ZBTB16: variants seen among roughly 807,000 people sequenced by gnomAD.
The protein encoded by ZBTB16 is zinc finger and BTB domain containing 16.
Under a neutral mutation model 56.8 loss-of-function variants are expected in ZBTB16, and 8 were observed. The observed-to-expected ratio is 0.14, with a 90% CI of 0.08 to 0.25. The LOEUF is 0.25. Among genes scored for constraint, ZBTB16 ranks in the 10% least tolerant of loss-of-function variants. The pLI, the probability that ZBTB16 is intolerant of heterozygous loss-of-function variation, is 1.00. For missense variants in ZBTB16, 625 were observed against 903.0 expected (o/e 0.69, Z 3.95); for synonymous variants, 363 against 368.5 (o/e 0.98, Z 0.17).
At chr11:114,198,376 A>G (rs915659374) in intron 4 of ZBTB16, among the ~76,000 whole-genome samples, 1 of 141,012 alleles carries the variant, frequency 7.1e-6, no homozygotes, top group Non-Finnish European at 1.5e-5. Context: ...GGCATGTTTG[A>G]TGCCTAATAT....
At chr11:114,115,368 C>G (rs528354894) in intron 2 of ZBTB16, among the ~76,000 whole-genome samples, 1 of 146,858 alleles carries the variant, frequency 6.8e-6, no homozygotes, top group East Asian at 2.0e-4. Flanking sequence ...TTTTTAAACT[C>G]CCTTTCCTTG....
intron 4 of ZBTB16, among the ~76,000 whole-genome samples, chr11:114,204,943 C>T (rs1263306813): frequency 6.6e-6 from 1 of 152,136 alleles, no homozygotes; most frequent in African/African-American, 2.4e-5. Context: ...AATGGCACTG[C>T]CCTGAGGTCG....
chr11:114,221,104 T>C (rs1944221415), intron 4 of ZBTB16, among the ~76,000 whole-genome samples: 1 of 152,214 alleles, frequency 6.6e-6, no homozygotes, highest in African/African-American at 2.4e-5. Context: ...ACAGTCTCCA[T>C]TCAAAGGCTG....
At chr11:114,106,122 G>A (rs1381798917) in intron 2 of ZBTB16, among the ~76,000 whole-genome samples, 2 of 152,122 alleles carry the variant, frequency 1.3e-5, no homozygotes, top group Non-Finnish European at 2.9e-5. Context: ...TTTCATAGCG[G>A]AGGGTTGTTA....
Position 114,251,806 on chromosome 11 carries a change from G to C in ZBTB16, c.*1251G>C, listed in dbSNP as rs117407608. 0.031 allele frequency among the ~76,000 whole-genome samples: 4,708 copies of C among 152,264 alleles called. 105 individuals carry two copies. The highest frequency in any genetic ancestry group is 0.071 in the Middle Eastern group (21 of 294). ...TGCAGGAGGAGGAGGATTTGAAAGC[G>C]CTTTGGCCTTGTGTTATGTTTTGCT... On this transcript the variant is annotated 3_prime_UTR_variant, in exon 7 of 7. Coordinates refer to ENST00000335953, the MANE Select transcript of ZBTB16 (RefSeq NM_006006.6).
At position 114,130,979 on chromosome 11, in the gene ZBTB16, A is replaced by G. The variant is rs117385497; in HGVS notation, c.1269-25358A>G. On this transcript the variant is annotated intron_variant, in intron 2 of 6. Transcript: ENST00000335953. ...AGGATATTTTCCTGCTTTTGTAAGT[A>G]GAAGGTAGTGAGGTAATTGCATCCT... Among the ~76,000 whole-genome samples, 13 of 152,366 alleles carry G rather than the reference A, an allele frequency of 8.5e-5. No individual in the cohort carries two copies. The East Asian group carries it at 1.5e-3, about 18-fold the overall frequency.
At chr11:114,174,439 G>C (rs1943052983) in intron 3 of ZBTB16, among the ~76,000 whole-genome samples, 1 of 152,014 alleles carries the variant, frequency 6.6e-6, no homozygotes, top group Non-Finnish European at 1.5e-5. Context: ...CCAGTACTCT[G>C]GGAAGCCAAG....
chr11:114,213,773 A>T (rs1310702063), intron 4 of ZBTB16, among the ~76,000 whole-genome samples: 1 of 152,126 alleles, frequency 6.6e-6, no homozygotes, highest in Non-Finnish European at 1.5e-5. Flanking sequence ...AAATCCCTAA[A>T]TCCCTGTGAG....
chr11:114,132,479 G>A (rs775926134), intron 2 of ZBTB16, among the ~76,000 whole-genome samples: 8 of 152,160 alleles, frequency 5.3e-5, no homozygotes, highest in Non-Finnish European at 7.4e-5. Context: ...CAGAGGCCTG[G>A]GGGTAGAGTC....
At chr11:114,097,781 C>G (rs1022530691) in intron 2 of ZBTB16, among the ~76,000 whole-genome samples, 5 of 152,144 alleles carry the variant, frequency 3.3e-5, no homozygotes, top group African/African-American at 1.2e-4. Flanking sequence ...GGCTCTGAGA[C>G]ATTCTCTAGT....
intron 4 of ZBTB16, among the ~76,000 whole-genome samples, chr11:114,241,948 G>A (rs902065898): frequency 6.6e-6 from 1 of 152,118 alleles, no homozygotes. Flanking sequence ...CTATCCTTTA[G>A]CTTTAGCTTC....
chr11:114,240,616 G>C (rs1381280620), intron 4 of ZBTB16, among the ~76,000 whole-genome samples: 1 of 152,160 alleles, frequency 6.6e-6, no homozygotes, highest in Non-Finnish European at 1.5e-5. Flanking sequence ...GAGCTCCTGT[G>C]CTCAGGAAAA....
In ZBTB16 at chr11:114,251,616, C is replaced by T. The variant is rs138686643; in HGVS notation, c.*1061C>T. 6.6e-6 allele frequency among the ~76,000 whole-genome samples: 1 copy of T among 152,278 alleles called. No homozygotes were observed. The highest frequency in any genetic ancestry group is 1.5e-5 in the Non-Finnish European group (1 of 68,016). The stretch of plus-strand genomic sequence containing the variant: ...CACCCAGCCCGTGGGATGAGGGAAG[C>T]TGGGCAAGGGAGAAAGTTGTTGAGT... On this transcript the variant is annotated 3_prime_UTR_variant, in exon 7 of 7. Transcript: ENST00000335953.
chr11:114,135,395 C>A (rs2134874685), intron 2 of ZBTB16, among the ~76,000 whole-genome samples: 1 of 152,270 alleles, frequency 6.6e-6, no homozygotes, highest in South Asian at 2.1e-4. Context: ...GGCTATTTAC[C>A]AGCTGAGTTT....
At chr11:114,068,719 C>G (rs920966729) in intron 2 of ZBTB16, among the ~76,000 whole-genome samples, 5 of 152,198 alleles carry the variant, frequency 3.3e-5, no homozygotes, top group Admixed American at 3.3e-4. Flanking sequence ...GGAAGATCAT[C>G]TCAGGATTCT....
intron 4 of ZBTB16, among the ~76,000 whole-genome samples, chr11:114,194,034 G>C (rs575602433): frequency 6.6e-6 from 1 of 152,136 alleles, no homozygotes; most frequent in Non-Finnish European, 1.5e-5. Flanking sequence ...GATTGGTTCC[G>C]GGTGATCCTG....
intron 3 of ZBTB16, among the ~76,000 whole-genome samples, chr11:114,179,847 G>A (rs1362785198): frequency 6.6e-6 from 1 of 152,114 alleles, no homozygotes; most frequent in African/African-American, 2.4e-5. Context: ...CTCATTTCTG[G>A]TTAGGGCAGG....
At chr11:114,188,773 G>A (rs1193731053) in intron 4 of ZBTB16, 1 of 152,158 alleles carries the variant, frequency 6.6e-6, no homozygotes, top group African/African-American at 2.4e-5. Context: ...TACATATTAA[G>A]TGCTACTGGA....
chr11:114,066,581 G>A (rs151120556), intron 2 of ZBTB16, among the ~76,000 whole-genome samples: 275 of 152,188 alleles, frequency 1.8e-3, no homozygotes, highest in Middle Eastern at 0.01. Context: ...ACCCGAGAGG[G>A]CCACAAAAGA....
Sources: gnomAD v4.1 joint callset for allele counts (sites outside exome capture counted in the v4.1 genomes callset) on GRCh38, gnomAD v4.1.1 for gene constraint, MANE v1.5 for transcripts, NCBI Gene and HGNC (gene_info 2026-07-23, HGNC 2026-07-21) for gene names.